Variants in FGF14 observed in about 807,000 individuals in gnomAD.
FGF14 encodes the protein fibroblast growth factor homologous factor 4.
FGF14 carries 5 observed loss-of-function variants against 25.5 expected under a neutral mutation model. That is an observed-to-expected ratio of 0.20 (90% CI 0.10 to 0.41). The LOEUF (loss-of-function observed/expected upper bound fraction) is 0.41, where lower values mean the gene tolerates loss of function less well. FGF14 is among the 10% of genes least tolerant of loss of function. FGF14 has a pLI of 1.00. For missense variants in FGF14, 222 were observed against 320.1 expected (o/e 0.69, Z 2.34); for synonymous variants, 138 against 118.3 (o/e 1.17, Z -1.08).
Position 102,161,598 on chromosome 13 carries a change from G to GA in FGF14, c.208+239872dup, listed in dbSNP as rs1566764174. Among the ~76,000 whole-genome samples, 6 of 2,254 alleles carry GA rather than the reference G, an allele frequency of 2.7e-3. 1 individual carries two copies. Among genetic ancestry groups the GA allele is most frequent in the Non-Finnish European group, 1.3e-3 (2 of 1,492 alleles). 1.5% of individuals were successfully genotyped at this position (2,254 alleles called of 152,430 possible). A position where few individuals can be genotyped will look rare whatever the true frequency, so the allele number is the denominator to read the frequency against. On this transcript the variant is annotated intron_variant, in intron 1 of 4. Coordinates refer to the FGF14 transcript ENST00000376131. ...GAAAGAAGAAGAAGAAGAAGAAGAAGAAGAAGAAGAAGAAGAAGAAGAAGA... is the reference window on the plus strand; with the variant it reads ...GAAAGAAGAAGAAGAAGAAGAAGAAGAAAGAAGAAGAAGAAGAAGAAGAAGA...
chr13:101,988,334 A>G (rs2038705177), intron 1 of FGF14, among the ~76,000 whole-genome samples: 1 of 151,912 alleles, frequency 6.6e-6, no homozygotes, highest in African/African-American at 2.4e-5. Flanking sequence ...AGAAGGAAAA[A>G]GGGGTAACTG....
intron 1 of FGF14, among the ~76,000 whole-genome samples, chr13:102,001,686 G>A (rs1422767246): frequency 6.6e-6 from 1 of 152,208 alleles, no homozygotes; most frequent in Non-Finnish European, 1.5e-5. Flanking sequence ...GACATCACAA[G>A]TGATGTCCAC....
chr13:102,276,380 T>TAC (rs1555392163), intron 1 of FGF14, among the ~76,000 whole-genome samples: 9 of 131,446 alleles, frequency 6.8e-5, no homozygotes, highest in South Asian at 2.4e-4. Context: ...TATATATATA[T>TAC]ACACATTATT....
chr13:102,276,375 AT>A (rs2053553066), intron 1 of FGF14, among the ~76,000 whole-genome samples: 1 of 142,564 alleles, frequency 7.0e-6, no homozygotes, highest in Admixed American at 7.0e-5. Flanking sequence ...ATATATATAT[AT>A]ATATACACAT....
chr13:102,237,775 T>A lies in FGF14; in HGVS notation c.208+163696A>T, dbSNP rs570614013. Among the ~76,000 whole-genome samples, 19 of 152,300 alleles carry A rather than the reference T, an allele frequency of 1.2e-4. No homozygotes were observed. In the East Asian group the frequency reaches 3.7e-3, roughly 29 times the overall value. ...ACTCAATCTTCTGTAAATTAACAAA[T>A]AATAATTATGAGTTTAAAATGACAA... On this transcript the variant is annotated intron_variant, in intron 1 of 4. Transcript: ENST00000376131.
chr13:101,967,333 C>T (rs1421624795), intron 1 of FGF14, among the ~76,000 whole-genome samples: 1 of 152,174 alleles, frequency 6.6e-6, no homozygotes, highest in African/African-American at 2.4e-5. Context: ...TTAAGAGAAC[C>T]ACTGTCCTAT....
intron 3 of FGF14, among the ~76,000 whole-genome samples, chr13:101,821,148 C>T (rs1489330512): frequency 6.6e-6 from 1 of 152,080 alleles, no homozygotes; most frequent in Non-Finnish European, 1.5e-5. Flanking sequence ...CAGGGTTTCA[C>T]CGTGTCAGCC....
At chr13:101,863,785 A>G (rs1048380942) in intron 3 of FGF14, among the ~76,000 whole-genome samples, 5 of 152,130 alleles carry the variant, frequency 3.3e-5, no homozygotes, top group African/African-American at 4.8e-5. Context: ...GGAAAATAAC[A>G]TTGTTCCACC....
chr13:101,911,068 C>T (rs1287709479), intron 1 of FGF14, among the ~76,000 whole-genome samples: 1 of 151,566 alleles, frequency 6.6e-6, no homozygotes, highest in African/African-American at 2.4e-5. Context: ...ATTTAGAAAC[C>T]TTTCCTTTTA....
At chr13:101,979,002 A>G (rs1192003931) in intron 1 of FGF14, among the ~76,000 whole-genome samples, 2 of 152,244 alleles carry the variant, frequency 1.3e-5, no homozygotes, top group African/African-American at 4.8e-5. Context: ...CCATGGGCGA[A>G]TCAGACAAGA....
intron 3 of FGF14, among the ~76,000 whole-genome samples, chr13:101,752,936 C>A (rs1027745727): frequency 2.6e-5 from 4 of 152,146 alleles, no homozygotes; most frequent in Admixed American, 1.3e-4. Context: ...CACATAACCA[C>A]ACCTAGACTA....
chr13:101,933,568 AC>A (rs1356838756), intron 1 of FGF14, among the ~76,000 whole-genome samples: 1 of 152,174 alleles, frequency 6.6e-6, no homozygotes, highest in East Asian at 1.9e-4. Context: ...TACTAAAAAT[AC>A]AAAAATTATC....
At chr13:101,907,548 C>T (rs78740953) in intron 1 of FGF14, among the ~76,000 whole-genome samples, 3,722 of 152,056 alleles carry the variant, frequency 0.024, 143 homozygotes, top group African/African-American at 0.085. Flanking sequence ...TCATGGGTGA[C>T]CGTGACAAGA....
Position 101,721,895 on chromosome 13 carries a change from G to GA in FGF14, c.*935dup, listed in dbSNP as rs911880656. On this transcript the variant is annotated 3_prime_UTR_variant, in exon 5 of 5. Transcript: ENST00000376143. The stretch of plus-strand genomic sequence containing the variant: ...TTCCAAATAATGAGAATTAATAGAT[G>GA]AAAAATGAACCTTAATCAGGCCTAC... 4.0e-5 allele frequency: 6 copies of GA among 149,864 alleles called. No individual in the cohort carries two copies. Among genetic ancestry groups the GA allele is most frequent in the Admixed American group, 4.0e-4 (6 of 14,990 alleles). The allele number at this position is 149,864 out of a possible 1,614,324, so 9.3% of individuals were successfully genotyped here. A position where few individuals can be genotyped will look rare whatever the true frequency, so the allele number is the denominator to read the frequency against.
intron 1 of FGF14, among the ~76,000 whole-genome samples, chr13:102,158,029 T>G (rs1331745827): frequency 5.9e-5 from 9 of 152,162 alleles, no homozygotes; most frequent in Non-Finnish European, 1.3e-4. Flanking sequence ...AAGCAGGTGC[T>G]GGAGAGGATG....
At chr13:101,969,068 G>T (rs1289208907) in intron 1 of FGF14, among the ~76,000 whole-genome samples, 1 of 152,126 alleles carries the variant, frequency 6.6e-6, no homozygotes, top group East Asian at 1.9e-4. Context: ...GTCAGTGGAA[G>T]GGGAGGTAAG....
At chr13:101,948,405 C>G (rs750222100) in intron 1 of FGF14, among the ~76,000 whole-genome samples, 1 of 151,434 alleles carries the variant, frequency 6.6e-6, no homozygotes. Flanking sequence ...AATAGGTATA[C>G]TACACATATG....
At chr13:102,142,565 A>AG (rs1030716133) in intron 1 of FGF14, among the ~76,000 whole-genome samples, 2 of 152,264 alleles carry the variant, frequency 1.3e-5, no homozygotes, top group African/African-American at 4.8e-5. Context: ...GCCTTGTGAG[A>AG]GCCAATGATT....
At chr13:102,120,691 A>T (rs2045679450) in intron 1 of FGF14, among the ~76,000 whole-genome samples, 1 of 138,492 alleles carries the variant, frequency 7.2e-6, no homozygotes, top group Non-Finnish European at 1.5e-5. Context: ...CTCATCTACC[A>T]TAGAAAAGTG....
Sources: allele counts gnomAD v4.1 joint callset (sites outside exome capture counted in the v4.1 genomes callset), GRCh38; gene constraint gnomAD v4.1.1; transcripts MANE v1.5; gene names NCBI Gene and HGNC (gene_info 2026-07-23, HGNC 2026-07-21).